The following PPP4R2 variants were observed in gnomAD, a reference collection of about 807,000 sequenced individuals.
PPP4R2 encodes serine/threonine-protein phosphatase 4 regulatory subunit 2.
PPP4R2 carries 13 observed loss-of-function variants against 47.2 expected under a neutral mutation model. The observed-to-expected ratio is 0.28, with a 90% CI of 0.18 to 0.44. The LOEUF is 0.44. Ranked by LOEUF, PPP4R2 falls within the 20% of genes least tolerant of loss-of-function variation. The pLI is 1.00. For missense variants in PPP4R2, 421 were observed against 491.2 expected (o/e 0.86, Z 1.35); for synonymous variants, 151 against 163.3 (o/e 0.92, Z 0.57).
chr3:73,009,544 A>G (rs574380240), intron 2 of PPP4R2, among the ~76,000 whole-genome samples: 7 of 152,220 alleles, frequency 4.6e-5, no homozygotes, highest in East Asian at 1.9e-4. Context: ...TTTATGGACT[A>G]TTACTGTATA....
At chr3:73,041,996 G>T (rs1004426440) in intron 2 of PPP4R2, among the ~76,000 whole-genome samples, 10 of 152,156 alleles carry the variant, frequency 6.6e-5, no homozygotes, top group Non-Finnish European at 1.2e-4. Context: ...TCCTACAGGA[G>T]AAACTGCAAA....
chr3:73,038,157 A>C (rs543918617), intron 2 of PPP4R2, among the ~76,000 whole-genome samples: 13 of 152,324 alleles, frequency 8.5e-5, no homozygotes, highest in Admixed American at 2.0e-4. Flanking sequence ...AAGCAGGAGC[A>C]AAAGTGGTGA....
At chr3:73,014,981 G>A in intron 2 of PPP4R2, 1 of 691,660 alleles carries the variant, frequency 1.4e-6, no homozygotes, top group South Asian at 1.5e-5. Flanking sequence ...GGGGATTGCA[G>A]ATGTAAGCAG....
chr3:73,030,713 C>CT (rs1559556398), intron 2 of PPP4R2, among the ~76,000 whole-genome samples: 1 of 142,594 alleles, frequency 7.0e-6, no homozygotes. Flanking sequence ...CTCTTTTTTT[C>CT]TTTTTTTGAG....
intron 6 of PPP4R2, 23 bp downstream of exon 6, chr3:73,063,770 C>CCT: frequency 6.9e-7 from 1 of 1,443,434 alleles, no homozygotes; most frequent in Non-Finnish European, 9.7e-7. Context: ...ATTTTTAATA[C>CCT]CTACAGAGTT....
At chr3:73,036,963 T>G (rs968148802) in intron 2 of PPP4R2, among the ~76,000 whole-genome samples, 34 of 152,244 alleles carry the variant, frequency 2.2e-4, no homozygotes, top group African/African-American at 8.2e-4. Flanking sequence ...TCACCACTTG[T>G]GGCAGTGCTA....
chr3:73,004,098 A>G (rs961910671), intron 2 of PPP4R2, among the ~76,000 whole-genome samples: 2 of 151,436 alleles, frequency 1.3e-5, no homozygotes, highest in Non-Finnish European at 1.5e-5. Context: ...GGCCTCCCAA[A>G]GTGTTGGGAT....
At chr3:73,047,513 C>G (rs995272918) in intron 3 of PPP4R2, among the ~76,000 whole-genome samples, 157 bp downstream of exon 3, 1 of 152,134 alleles carries the variant, frequency 6.6e-6, no homozygotes, top group African/African-American at 2.4e-5. Context: ...TAGCTTACAA[C>G]TATTTAAAAT....
intron 2 of PPP4R2, among the ~76,000 whole-genome samples, chr3:73,042,618 C>T (rs1044584629): frequency 7.2e-5 from 11 of 152,152 alleles, no homozygotes; most frequent in Non-Finnish European, 1.2e-4. Context: ...CCGCCTCGGC[C>T]TCCCAAAGTG....
At position 73,002,629 on chromosome 3, in the gene PPP4R2, C is replaced by CTTTTTTTTTTTTTTTTTTTTTTTTTTT. The variant is rs1245599779; in HGVS notation, c.116+4475_116+4476insTTTTTTTTTTTTTTTTTTTTTTTTTTT. 3.3e-4 allele frequency among the ~76,000 whole-genome samples: 27 copies of CTTTTTTTTTTTTTTTTTTTTTTTTTTT among 83,000 alleles called. 2 individuals are homozygous for CTTTTTTTTTTTTTTTTTTTTTTTTTTT. Among genetic ancestry groups the CTTTTTTTTTTTTTTTTTTTTTTTTTTT allele is most frequent in the Non-Finnish European group, 5.3e-4 (22 of 41,618 alleles). The allele number at this position is 83,000 out of a possible 152,430, so 54.5% of individuals were successfully genotyped here. On this transcript the variant is annotated intron_variant, in intron 2 of 8. Transcript: ENST00000356692. ...TTTTTCTTTTCTTTTCTTTTCTTTT[C>CTTTTTTTTTTTTTTTTTTTTTTTTTTT]TTTTCTTTTTTTTTTTTTTTTTTTT... is the stretch of plus-strand genomic sequence containing the variant.
intron 2 of PPP4R2, among the ~76,000 whole-genome samples, chr3:73,007,369 A>G (rs907098972): frequency 6.6e-6 from 1 of 152,242 alleles, no homozygotes; most frequent in African/African-American, 2.4e-5. Flanking sequence ...GTTATCGACA[A>G]CTAAGACCCG....
intron 3 of PPP4R2, among the ~76,000 whole-genome samples, chr3:73,053,320 A>C (rs1395404386): frequency 6.7e-6 from 1 of 149,864 alleles, no homozygotes; most frequent in East Asian, 2.0e-4. Flanking sequence ...GAGAATTAGC[A>C]TGACTTTGTA....
chr3:73,065,569 A>G lies in PPP4R2; in HGVS notation c.1101A>G (p.Glu367=), dbSNP rs1383855744. 2.5e-6 allele frequency: 4 copies of G among 1,613,362 alleles called. No individual in the cohort carries two copies. Among genetic ancestry groups the G allele is most frequent in the African/African-American group, 1.3e-5 (1 of 74,900 alleles). Residue 367 remains glutamate (E), a synonymous_variant, in exon 9 of 9, where the codon GAA becomes GAG. Coordinates refer to ENST00000356692, the MANE Select transcript of PPP4R2 (RefSeq NM_174907.4). The part of the protein sequence containing the change: ...DLLHSEGSEN[E]GPVSSSSSDC... Reference sequence around the variant, plus strand: ...TACATTCTGAAGGTAGTGAAAACGAAGGCCCTGTAAGTAGTAGTTCTTCTG... The same window carrying G: ...TACATTCTGAAGGTAGTGAAAACGAGGGCCCTGTAAGTAGTAGTTCTTCTG...
intron 5 of PPP4R2, chr3:73,062,434 A>G: frequency 6.2e-7 from 1 of 1,603,378 alleles, no homozygotes; most frequent in African/African-American, 1.3e-5. Flanking sequence ...CATAAATCTC[A>G]TTTCCACCCT....
Position 72,996,998 on chromosome 3 carries a change from CGCGGAGGGAG to C in PPP4R2, c.-32_-23del. The stretch of plus-strand genomic sequence containing the variant: ...GAGGCGTTCCGGTCCCCAAGAGACC[CGCGGAGGGAG>C]GCGGAGGCTGTGAGGGACTCCGGGA... On this transcript the variant is annotated 5_prime_UTR_variant, in exon 1 of 9. Transcript: ENST00000356692. The C allele has an allele frequency of 7.4e-7, 1 of 1,350,482 alleles. No individual in the cohort carries two copies. Among genetic ancestry groups the C allele is most frequent in the Admixed American group, 2.9e-5 (1 of 33,904 alleles). The allele number at this position is 1,350,482 out of a possible 1,614,324, so 83.7% of individuals were successfully genotyped here.
chr3:73,065,771 A>G lies in PPP4R2; in HGVS notation c.*49A>G. The G allele has an allele frequency of 7.7e-7, 1 of 1,305,092 alleles. No individual in the cohort carries two copies. Among genetic ancestry groups the G allele is most frequent in the Non-Finnish European group, 1.0e-6 (1 of 953,648 alleles). The allele number at this position is 1,305,092 out of a possible 1,614,324, so 80.8% of individuals were successfully genotyped here. ...GTATTTTACATACAGTTCTGGTTTT[A>G]ACACTGTATAAAACTTTTGTGTAAT... On this transcript the variant is annotated 3_prime_UTR_variant, in exon 9 of 9. Coordinates refer to ENST00000356692, the MANE Select transcript of PPP4R2 (RefSeq NM_174907.4).
chr3:73,063,206 C>T, intron 5 of PPP4R2: 3 of 379,490 alleles, frequency 7.9e-6, no homozygotes, highest in South Asian at 6.0e-5. Flanking sequence ...CCAGGATCAA[C>T]CATCACACTC....
At position 73,067,577 on chromosome 3, in the gene PPP4R2, T is replaced by C. The variant is rs1703027113; in HGVS notation, c.*1855T>C. The C allele has an allele frequency of 6.6e-6, 1 of 152,166 alleles. No homozygotes were observed. Among genetic ancestry groups the C allele is most frequent in the South Asian group, 2.1e-4 (1 of 4,836 alleles). 9.4% of individuals were successfully genotyped at this position (152,166 alleles called of 1,614,324 possible). On this transcript the variant is annotated 3_prime_UTR_variant, in exon 9 of 9. Coordinates refer to ENST00000356692, the MANE Select transcript of PPP4R2 (RefSeq NM_174907.4). ...AAATTTTTAAAAAATTTTTCAAAAA[T>C]GTTAAAATGAGGCAAATTTAAGTTT...
At chr3:73,043,997 CTTTT>C (rs1702433024) in intron 2 of PPP4R2, among the ~76,000 whole-genome samples, 1 of 152,160 alleles carries the variant, frequency 6.6e-6, no homozygotes, top group African/African-American at 2.4e-5. Flanking sequence ...AATAGTCGTT[CTTTT>C]TGTGTCTGGC....
Sources: allele counts gnomAD v4.1 joint callset (sites outside exome capture counted in the v4.1 genomes callset), GRCh38; gene constraint gnomAD v4.1.1; transcripts MANE v1.5; gene names NCBI Gene and HGNC (gene_info 2026-07-23, HGNC 2026-07-21).